The following BAALC variants were observed in gnomAD, a reference collection of about 807,000 sequenced individuals.
The protein encoded by BAALC is brain and acute leukemia cytoplasmic protein.
A neutral mutation model predicts 15.5 loss-of-function variants in BAALC; 9 were observed. The observed-to-expected ratio is 0.58, with a 90% CI of 0.35 to 1.02. The LOEUF is 1.02. Ranked by LOEUF, BAALC falls within the 50% of genes least tolerant of loss-of-function variation. The pLI, the probability that BAALC is intolerant of heterozygous loss-of-function variation, is 0.02. For missense variants in BAALC, 201 were observed against 192.4 expected (o/e 1.04, Z -0.27); for synonymous variants, 80 against 74.6 (o/e 1.07, Z -0.37).
At chr8:103,149,953 G>A (rs1158788999) in intron 1 of BAALC, among the ~76,000 whole-genome samples, 3 of 152,008 alleles carry the variant, frequency 2.0e-5, no homozygotes, top group Non-Finnish European at 4.4e-5. Context: ...TCTCTTTATG[G>A]GTTGTATTAG....
chr8:103,147,800 T>C (rs752069748), intron 1 of BAALC, among the ~76,000 whole-genome samples: 6 of 152,152 alleles, frequency 3.9e-5, no homozygotes, highest in Non-Finnish European at 8.8e-5. Context: ...CCTATCCCTA[T>C]AAAGACTCCT....
chr8:103,188,280 T>G (rs1331688827), intron 1 of BAALC, among the ~76,000 whole-genome samples: 2 of 152,166 alleles, frequency 1.3e-5, no homozygotes, highest in African/African-American at 2.4e-5. Context: ...TAGTAGCTCC[T>G]GTAGAAGCCC....
intron 1 of BAALC, among the ~76,000 whole-genome samples, chr8:103,194,797 A>G (rs1362761183): frequency 1.3e-5 from 2 of 152,198 alleles, no homozygotes; most frequent in Non-Finnish European, 2.9e-5. Flanking sequence ...AAGGGCAAAA[A>G]GGGCACAAAT....
intron 1 of BAALC, among the ~76,000 whole-genome samples, chr8:103,147,036 C>T (rs1024093870): frequency 2.0e-5 from 3 of 152,198 alleles, no homozygotes; most frequent in African/African-American, 7.2e-5. Flanking sequence ...TATTTGCATG[C>T]CTGGCATCTT....
chr8:103,158,295 G>C (rs145507148), intron 1 of BAALC, among the ~76,000 whole-genome samples: 1 of 152,076 alleles, frequency 6.6e-6, no homozygotes, highest in South Asian at 2.1e-4. Flanking sequence ...AAGCTATTGC[G>C]CAACATGGTG....
At chr8:103,149,837 A>G (rs931782943) in intron 1 of BAALC, among the ~76,000 whole-genome samples, 1 of 152,170 alleles carries the variant, frequency 6.6e-6, no homozygotes, top group Admixed American at 6.5e-5. Context: ...TAATTACTGT[A>G]GGTGATTCCT....
chr8:103,180,940 TCA>T (rs1319045952), intron 1 of BAALC, among the ~76,000 whole-genome samples: 2 of 152,140 alleles, frequency 1.3e-5, no homozygotes, highest in African/African-American at 4.8e-5. Flanking sequence ...CTAGTAAACC[TCA>T]GTTATAGCAT....
intron 2 of BAALC, among the ~76,000 whole-genome samples, chr8:103,218,436 G>A (rs996641020): frequency 1.3e-5 from 2 of 152,040 alleles, no homozygotes; most frequent in African/African-American, 4.8e-5. Flanking sequence ...CAAACAACAC[G>A]AGAGGCAGCG....
chr8:103,140,740 G>A lies in BAALC; in HGVS notation c.-158G>A. Reference sequence around the variant, plus strand: ...GAGAGGGCCCGGACTAGGGGCGGCGGGCACCGCAGGAGCTCCGCGCGGCTG... The same window carrying A: ...GAGAGGGCCCGGACTAGGGGCGGCGAGCACCGCAGGAGCTCCGCGCGGCTG... On this transcript the variant is annotated 5_prime_UTR_variant, in exon 1 of 3. Coordinates refer to ENST00000309982, the MANE Select transcript of BAALC (RefSeq NM_024812.3). The surrounding 1 kb of genome is among the most constrained non-coding windows in gnomAD (Gnocchi z 4.2). 2.2e-6 allele frequency: 1 copy of A among 458,024 alleles called. No homozygotes were observed. Among genetic ancestry groups the A allele is most frequent in the Non-Finnish European group, 3.1e-6 (1 of 317,968 alleles). 28.4% of individuals were successfully genotyped at this position (458,024 alleles called of 1,614,324 possible). A position where few individuals can be genotyped will look rare whatever the true frequency, so the allele number is the denominator to read the frequency against.
intron 2 of BAALC, among the ~76,000 whole-genome samples, chr8:103,221,854 T>C (rs1812684131): frequency 6.6e-6 from 1 of 152,184 alleles, no homozygotes; most frequent in Admixed American, 6.5e-5. Flanking sequence ...CAAATATGAG[T>C]GACCATGGCC....
At chr8:103,193,476 A>G (rs1160062914) in intron 1 of BAALC, among the ~76,000 whole-genome samples, 2 of 152,226 alleles carry the variant, frequency 1.3e-5, no homozygotes, top group Non-Finnish European at 1.5e-5. Flanking sequence ...AGGACCTGAA[A>G]TCAGCCTTTT....
chr8:103,205,295 G>A (rs1479157277), intron 1 of BAALC, among the ~76,000 whole-genome samples: 2 of 152,168 alleles, frequency 1.3e-5, no homozygotes, highest in Non-Finnish European at 2.9e-5. Context: ...AATCCCTGGG[G>A]TTGCAATTTA....
intron 1 of BAALC, among the ~76,000 whole-genome samples, chr8:103,171,409 GAA>G: frequency 8.4e-6 from 1 of 119,508 alleles, no homozygotes. Flanking sequence ...AGGAAAGAAA[GAA>G]AAGAGAGAGA....
chr8:103,163,204 C>T (rs996969520), intron 1 of BAALC, among the ~76,000 whole-genome samples: 2 of 152,054 alleles, frequency 1.3e-5, no homozygotes, highest in South Asian at 2.1e-4. Flanking sequence ...TTCTCTGCCT[C>T]GTCCTCTTTT....
intron 1 of BAALC, among the ~76,000 whole-genome samples, chr8:103,141,885 TA>T (rs1318796203): frequency 2.0e-5 from 3 of 152,260 alleles, no homozygotes; most frequent in African/African-American, 7.2e-5. Flanking sequence ...TATTTTATTT[TA>T]TTTTTTTATT....
intron 1 of BAALC, among the ~76,000 whole-genome samples, chr8:103,159,960 A>C (rs777829902): frequency 6.6e-6 from 1 of 152,090 alleles, no homozygotes; most frequent in African/African-American, 2.4e-5. Flanking sequence ...ATTTTTAAAG[A>C]GACTATGTGT....
intron 1 of BAALC, among the ~76,000 whole-genome samples, chr8:103,160,932 G>A (rs1411135978): frequency 1.3e-5 from 2 of 152,064 alleles, no homozygotes; most frequent in African/African-American, 4.8e-5. Context: ...TGACTCAAAT[G>A]TTAATCTCCT....
At chr8:103,203,998 T>C (rs1177436667) in intron 1 of BAALC, among the ~76,000 whole-genome samples, 1 of 152,194 alleles carries the variant, frequency 6.6e-6, no homozygotes, top group Non-Finnish European at 1.5e-5. Context: ...TTTTACAGAA[T>C]TGCAGACTGA....
Position 103,177,581 on chromosome 8 carries a change from CTG to C in BAALC, c.161-35337_161-35336del, listed in dbSNP as rs201659768. 3.0e-3 allele frequency among the ~76,000 whole-genome samples: 458 copies of C among 152,348 alleles called. 2 individuals carry two copies. The highest frequency in any genetic ancestry group is 0.011 in the African/African-American group (439 of 41,572). On this transcript the variant is annotated intron_variant, in intron 1 of 2. Coordinates refer to ENST00000309982, the MANE Select transcript of BAALC (RefSeq NM_024812.3). ...AGGACCGCAGTTTCTGGTTTTTACT[CTG>C]AGTACAGCATTTCCATTTCTCACAA...
Sources: allele counts gnomAD v4.1 joint callset (sites outside exome capture counted in the v4.1 genomes callset), GRCh38; gene constraint gnomAD v4.1.1; non-coding constraint Gnocchi (gnomAD v3.1); transcripts MANE v1.5; gene names NCBI Gene and HGNC (gene_info 2026-07-23, HGNC 2026-07-21).